The following ADGRE1 variants were observed in gnomAD, a reference collection of about 807,000 sequenced individuals.
ADGRE1 encodes the protein adhesion G protein-coupled receptor E1.
In ADGRE1, 82 loss-of-function variants were observed where a neutral mutation model predicts 102.7. The ratio of observed to expected loss-of-function variants is 0.80; its 90% confidence interval spans 0.67 to 0.96. The LOEUF is 0.96. Ranked by LOEUF, ADGRE1 falls within the 40% of genes least tolerant of loss-of-function variation. The pLI is 0.00. For missense variants in ADGRE1, 1,032 were observed against 1,085.3 expected (o/e 0.95, Z 0.69); for synonymous variants, 398 against 399.6 (o/e 1.00, Z 0.05).
rs552842536 is a variant in ADGRE1, at chr19:6,909,859, C to T, written c.1122+1087C>T. Among the ~76,000 whole-genome samples, 31 of 152,178 alleles carry T rather than the reference C, an allele frequency of 2.0e-4. 2 individuals are homozygous for T. In the East Asian group the frequency reaches 4.6e-3, roughly 23 times the overall value. ...AAGCGATTCTCCTGCCTCAGCCTCC[C>T]GAGTAGTTGGGATTACAGGCATGCG... On this transcript the variant is annotated intron_variant, in intron 10 of 20. Coordinates refer to ENST00000312053, the MANE Select transcript of ADGRE1 (RefSeq NM_001974.5).
At chr19:6,933,749 G>A (rs1279052372) in intron 17 of ADGRE1, among the ~76,000 whole-genome samples, 5 of 152,112 alleles carry the variant, frequency 3.3e-5, no homozygotes, top group Non-Finnish European at 1.5e-5. Context: ...GTGCATAGAA[G>A]CCAGGGATGC....
chr19:6,909,437 T>C (rs1165804439), intron 10 of ADGRE1, among the ~76,000 whole-genome samples: 1 of 152,176 alleles, frequency 6.6e-6, no homozygotes, highest in African/African-American at 2.4e-5. Context: ...GTTTTGTCTT[T>C]GGAAGAGTGT....
intron 10 of ADGRE1, 58 bp downstream of exon 10, chr19:6,908,830 G>T: frequency 3.3e-6 from 5 of 1,530,218 alleles, no homozygotes; most frequent in Non-Finnish European, 4.5e-6. Context: ...GGCACACTTT[G>T]GGTGCAGAAA....
Position 6,890,565 on chromosome 19 carries a change from C to CAGAT in ADGRE1, c.94+23_94+26dup, listed in dbSNP as rs767573512. On this transcript the variant is annotated intron_variant, in intron 2 of 20. Coordinates refer to ENST00000312053, the MANE Select transcript of ADGRE1 (RefSeq NM_001974.5). ...AAGGGTAAGTTGGCCAGAGAGAATG[C>CAGAT]AGATGCCTGAAGGGGTAGAGAAAGT... is the stretch of plus-strand genomic sequence containing the variant. 4.4e-5 allele frequency: 70 copies of CAGAT among 1,608,962 alleles called. 1 individual carries two copies. In the Admixed American group the frequency reaches 8.9e-4, roughly 20 times the overall value.
At chr19:6,916,190 C>G in intron 11 of ADGRE1, 59 bp from the exon 12 acceptor site, 9 of 1,563,818 alleles carry the variant, frequency 5.8e-6, no homozygotes, top group Non-Finnish European at 7.8e-6. Context: ...TGGACAGAAA[C>G]CAAATTCAGG....
chr19:6,937,182 G>T, intron 18 of ADGRE1, 61 bp from the exon 19 acceptor site: 1 of 1,546,006 alleles, frequency 6.5e-7, no homozygotes, highest in Non-Finnish European at 8.8e-7. Flanking sequence ...TCCTGGAAGT[G>T]TGGCCTGCAA....
Position 6,889,687 on chromosome 19 carries a change from C to CAAA in ADGRE1, c.32-773_32-771dup, listed in dbSNP as rs1178774112. Among the ~76,000 whole-genome samples, 195 of 41,712 alleles carry CAAA rather than the reference C, an allele frequency of 4.7e-3. 4 individuals are homozygous for CAAA. Among genetic ancestry groups the CAAA allele is most frequent in the African/African-American group, 0.018 (176 of 9,868 alleles). The allele number at this position is 41,712 out of a possible 152,430, so 27.4% of individuals were successfully genotyped here. A position where few individuals can be genotyped will look rare whatever the true frequency, so the allele number is the denominator to read the frequency against. ...CTGGTGACAGAGTGAGACTCCATCT[C>CAAA]AAAAAAAAAAAAAAAAAAAAAAAGG... On this transcript the variant is annotated intron_variant, in intron 1 of 20. Transcript: ENST00000312053.
chr19:6,907,341 A>AT (rs36079308), intron 9 of ADGRE1, among the ~76,000 whole-genome samples: 55,836 of 144,998 alleles, frequency 0.39, 11,528 homozygotes, highest in African/African-American at 0.55. Flanking sequence ...AGTTCTAGAA[A>AT]TTTTTTTTTT....
rs3053967 is a variant in ADGRE1, at chr19:6,920,516, C to CTTTTTTTT, written c.1620+786_1620+793dup. Among the ~76,000 whole-genome samples the CTTTTTTTT allele has an allele frequency of 2.5e-3, 191 of 75,728 alleles. 33 individuals are homozygous for CTTTTTTTT. The highest frequency in any genetic ancestry group is 4.4e-3 in the East Asian group (6 of 1,352). The allele number at this position is 75,728 out of a possible 152,430, so 49.7% of individuals were successfully genotyped here. A position where few individuals can be genotyped will look rare whatever the true frequency, so the allele number is the denominator to read the frequency against. ...TTACAGGCATGAACCACCATGCCCGCTTTTTTTTTTTTTTTTTTTTTTTTG... is the reference window on the plus strand; with the variant it reads ...TTACAGGCATGAACCACCATGCCCGCTTTTTTTTTTTTTTTTTTTTTTTTTTTTTTTTG... On this transcript the variant is annotated intron_variant, in intron 13 of 20. Transcript: ENST00000312053.
At chr19:6,910,890 A>T (rs1289157396) in intron 10 of ADGRE1, among the ~76,000 whole-genome samples, 1 of 152,144 alleles carries the variant, frequency 6.6e-6, no homozygotes, top group Admixed American at 6.5e-5. Context: ...TTTAAATAGG[A>T]GATGTTTCTA....
At chr19:6,939,961 C>A in intron 20 of ADGRE1, 63 bp from the exon 21 acceptor site, 1 of 1,578,050 alleles carries the variant, frequency 6.3e-7, no homozygotes, top group Non-Finnish European at 8.7e-7. Context: ...AGACATGACC[C>A]TTGGAATCAC....
intron 17 of ADGRE1, among the ~76,000 whole-genome samples, chr19:6,932,505 A>G (rs1975201705): frequency 6.6e-6 from 1 of 152,116 alleles, no homozygotes; most frequent in Non-Finnish European, 1.5e-5. Flanking sequence ...AATAAATTTA[A>G]AAGGCTATCT....
intron 13 of ADGRE1, among the ~76,000 whole-genome samples, chr19:6,920,348 T>G (rs113558515): frequency 0.29 from 43,564 of 150,572 alleles, 7,825 homozygotes; most frequent in African/African-American, 0.5. Flanking sequence ...GCCTCCCGAG[T>G]AGCTGGGATT....
At position 6,890,415 on chromosome 19, in the gene ADGRE1, CA is replaced by C. The variant is rs1445670813; in HGVS notation, c.32-62del. ...CAGGAGTAATTTTGCAGGTTGAGCC[CA>C]AAAGGTTTTTTTTTTTTTTTTTTTT... On this transcript the variant is annotated intron_variant, in intron 1 of 20. Coordinates refer to ENST00000312053, the MANE Select transcript of ADGRE1 (RefSeq NM_001974.5). 25 of 1,327,642 alleles carry C rather than the reference CA, an allele frequency of 1.9e-5. No individual in the cohort carries two copies. In the African/African-American group the frequency reaches 3.1e-4, roughly 16 times the overall value. 82.2% of individuals were successfully genotyped at this position (1,327,642 alleles called of 1,614,324 possible). A position where few individuals can be genotyped will look rare whatever the true frequency, so the allele number is the denominator to read the frequency against.
At chr19:6,924,949 C>T (rs1974836372) in intron 15 of ADGRE1, 77 bp downstream of exon 15, 5 of 1,481,674 alleles carry the variant, frequency 3.4e-6, no homozygotes, top group Non-Finnish European at 4.6e-6. Context: ...TAGCCAACTC[C>T]CTCTATCCCT....
chr19:6,904,069 G>A lies in ADGRE1; in HGVS notation c.836G>A (p.Cys279Tyr), dbSNP rs1163544960. ...IDECRQDPSTCGPNSICTNAL... is the reference protein window; with the variant it reads ...IDECRQDPSTYGPNSICTNAL... ...GAGTGCCGCCAAGATCCATCAACCT[G>A]TGGTCCTAATTCTATCTGCACCAAT... Residue 279 changes from cysteine (C) to tyrosine (Y), a missense_variant, in exon 8 of 21, where the codon TGT becomes TAT. Transcript: ENST00000312053. 1 of 1,614,216 alleles carries A rather than the reference G, an allele frequency of 6.2e-7. No individual in the cohort carries two copies. Among genetic ancestry groups the A allele is most frequent in the Non-Finnish European group, 8.5e-7 (1 of 1,180,044 alleles).
chr19:6,901,087 A>C (rs1973748782), intron 5 of ADGRE1, among the ~76,000 whole-genome samples: 1 of 152,186 alleles, frequency 6.6e-6, no homozygotes. Flanking sequence ...CCCAGGTGAA[A>C]AGGGAGAAGA....
intron 10 of ADGRE1, among the ~76,000 whole-genome samples, chr19:6,910,399 G>A (rs606384): frequency 0.56 from 84,487 of 151,640 alleles, 26,592 homozygotes; most frequent in Non-Finnish European, 0.7. Context: ...AAATCCAATC[G>A]ATCGAATCTA....
chr19:6,937,207 TC>T, intron 18 of ADGRE1, 35 bp from the exon 19 acceptor site: 3 of 1,591,862 alleles, frequency 1.9e-6, no homozygotes, highest in Non-Finnish European at 1.7e-6. Flanking sequence ...AATAGCCACC[TC>T]CCAGAGCCTT....
Sources: gnomAD v4.1 joint callset for allele counts (sites outside exome capture counted in the v4.1 genomes callset) on GRCh38, gnomAD v4.1.1 for gene constraint, MANE v1.5 for transcripts, NCBI Gene and HGNC (gene_info 2026-07-23, HGNC 2026-07-21) for gene names.